The following SUPT3H variants were observed in gnomAD, a reference collection of about 807,000 sequenced individuals.
SUPT3H encodes SPT3 homolog, SAGA and STAGA complex component, also known as transcription initiation protein SPT3 homolog.
A neutral mutation model predicts 44.3 loss-of-function variants in SUPT3H; 44 were observed. The observed-to-expected ratio is 0.99, with a 90% CI of 0.78 to 1.28. The LOEUF is 1.28. SUPT3H is among the 50% of genes most tolerant of loss of function. SUPT3H has a pLI of 0.00. For synonymous variants in SUPT3H, 124 were observed against 125.6 expected (o/e 0.99, Z 0.09); for missense variants, 380 against 387.1 (o/e 0.98, Z 0.15).
At position 45,242,921 on chromosome 6, in the gene SUPT3H, G is replaced by A. The variant is rs145986846; in HGVS notation, c.101+122280C>T. On this transcript the variant is annotated intron_variant, in intron 2 of 10. Coordinates refer to ENST00000371459, the MANE Select transcript of SUPT3H (RefSeq NM_003599.4). ...TAAAAGAGCTATTATAAGGCTGGGC[G>A]TGGTGGCTCACGCCTGTAATCCCAA... 2.7e-3 allele frequency among the ~76,000 whole-genome samples: 405 copies of A among 152,248 alleles called. 4 individuals are homozygous for A. The highest frequency in any genetic ancestry group is 8.6e-3 in the African/African-American group (358 of 41,554).
Position 45,105,919 on chromosome 6 carries a change from T to TA in SUPT3H, c.186+2dup. ...AACCAAATCAAATTATATATGCTCT[T>TA]ACCAGATTAATTAACTGAGTGTGTA... On this transcript the variant is annotated splice_region_variant and intron_variant, in intron 3 of 10. Transcript: ENST00000371459. The TA allele has an allele frequency of 1.2e-6, 2 of 1,611,066 alleles. No individual in the cohort carries two copies. Among genetic ancestry groups the TA allele is most frequent in the Non-Finnish European group, 1.7e-6 (2 of 1,177,666 alleles).
At chr6:45,131,779 A>T (rs1260295893) in intron 2 of SUPT3H, among the ~76,000 whole-genome samples, 1 of 152,224 alleles carries the variant, frequency 6.6e-6, no homozygotes, top group African/African-American at 2.4e-5. Context: ...AGAGAAAAAC[A>T]GGTGAATTAT....
At chr6:45,257,189 C>G (rs2153655743) in intron 2 of SUPT3H, among the ~76,000 whole-genome samples, 1 of 152,246 alleles carries the variant, frequency 6.6e-6, no homozygotes, top group South Asian at 2.1e-4. Flanking sequence ...TGATTAATGA[C>G]TATAATGGCT....
intron 2 of SUPT3H, among the ~76,000 whole-genome samples, chr6:45,282,461 C>A (rs371985820): frequency 6.6e-6 from 1 of 151,964 alleles, no homozygotes; most frequent in African/African-American, 2.4e-5. Flanking sequence ...GTAGCCGATT[C>A]GATCAACTGG....
At chr6:45,019,321 G>T (rs574969284) in intron 4 of SUPT3H, among the ~76,000 whole-genome samples, 1 of 151,902 alleles carries the variant, frequency 6.6e-6, no homozygotes, top group South Asian at 2.1e-4. Flanking sequence ...TTAATTTTTT[G>T]AAGGGTTTTT....
intron 2 of SUPT3H, among the ~76,000 whole-genome samples, chr6:45,122,940 C>A (rs1801881632): frequency 6.6e-6 from 1 of 152,112 alleles, no homozygotes; most frequent in South Asian, 2.1e-4. Context: ...TGTTTGAGAA[C>A]CTGGGGTAAA....
chr6:45,184,802 A>T (rs962405341), intron 2 of SUPT3H, among the ~76,000 whole-genome samples: 2 of 139,496 alleles, frequency 1.4e-5, no homozygotes, highest in Non-Finnish European at 3.1e-5. Flanking sequence ...AAAAAAAAAA[A>T]ACTCCAAGGA....
intron 2 of SUPT3H, among the ~76,000 whole-genome samples, chr6:45,247,018 A>C (rs917657977): frequency 2.0e-5 from 3 of 152,236 alleles, no homozygotes; most frequent in African/African-American, 7.2e-5. Flanking sequence ...CAATAAAAGT[A>C]GAAACTTTAA....
intron 2 of SUPT3H, among the ~76,000 whole-genome samples, chr6:45,142,575 A>G (rs1210429205): frequency 6.6e-6 from 1 of 151,826 alleles, no homozygotes; most frequent in Admixed American, 6.6e-5. Flanking sequence ...CGTCTCTACT[A>G]AAAATACAAA....
In SUPT3H at chr6:45,269,449, C is replaced by T. The variant is rs552530963; in HGVS notation, c.101+95752G>A. 9.8e-5 allele frequency among the ~76,000 whole-genome samples: 15 copies of T among 152,334 alleles called. 1 individual carries two copies. The South Asian group carries it at 3.1e-3, about 32-fold the overall frequency. ...ATCAAAATTATTAGTACTGTTGTCTCACCATGACAACTACAATTTGAGAGT... is the reference window on the plus strand; with the variant it reads ...ATCAAAATTATTAGTACTGTTGTCTTACCATGACAACTACAATTTGAGAGT... On this transcript the variant is annotated intron_variant, in intron 2 of 10. Transcript: ENST00000371459.
At chr6:44,982,263 G>A (rs924328409) in intron 6 of SUPT3H, among the ~76,000 whole-genome samples, 3 of 151,826 alleles carry the variant, frequency 2.0e-5, no homozygotes, top group African/African-American at 4.8e-5. Context: ...TCGCTCTGTC[G>A]CCCAGGCTGG....
chr6:45,304,705 T>C (rs1265748287), intron 2 of SUPT3H, among the ~76,000 whole-genome samples: 4 of 151,662 alleles, frequency 2.6e-5, no homozygotes, highest in South Asian at 2.1e-4. Flanking sequence ...TAGAAAAGAA[T>C]GGCTTCAATG....
At chr6:44,892,616 A>T (rs1250419513) in intron 10 of SUPT3H, among the ~76,000 whole-genome samples, 1 of 152,220 alleles carries the variant, frequency 6.6e-6, no homozygotes, top group Non-Finnish European at 1.5e-5. Flanking sequence ...GATCTGAAAC[A>T]GTACATGCAG....
intron 2 of SUPT3H, among the ~76,000 whole-genome samples, chr6:45,161,164 T>A (rs1381755999): frequency 6.6e-6 from 1 of 152,182 alleles, no homozygotes; most frequent in Non-Finnish European, 1.5e-5. Context: ...CCATGCTTCC[T>A]GTACAGCCTG....
At chr6:45,179,948 G>C (rs1032594445) in intron 2 of SUPT3H, among the ~76,000 whole-genome samples, 1 of 152,160 alleles carries the variant, frequency 6.6e-6, no homozygotes, top group Non-Finnish European at 1.5e-5. Flanking sequence ...CAGATGACAT[G>C]ATTGTATATC....
At chr6:44,935,712 T>C (rs912159853) in intron 9 of SUPT3H, among the ~76,000 whole-genome samples, 1 of 152,232 alleles carries the variant, frequency 6.6e-6, no homozygotes, top group African/African-American at 2.4e-5. Context: ...GAAGCTGAAA[T>C]AGCATATGGA....
At chr6:45,092,092 T>C (rs950942106) in intron 3 of SUPT3H, among the ~76,000 whole-genome samples, 5 of 152,012 alleles carry the variant, frequency 3.3e-5, no homozygotes, top group African/African-American at 1.2e-4. Context: ...TTTGTGTTTT[T>C]AGCAATTATT....
chr6:45,335,374 T>C (rs1187789110), intron 2 of SUPT3H, among the ~76,000 whole-genome samples: 1 of 151,326 alleles, frequency 6.6e-6, no homozygotes, highest in East Asian at 1.9e-4. Context: ...TATTACATTT[T>C]ACAACATGTC....
intron 2 of SUPT3H, among the ~76,000 whole-genome samples, chr6:45,256,922 CAT>C (rs777092332): frequency 2.5e-4 from 38 of 152,272 alleles, no homozygotes; most frequent in Non-Finnish European, 5.0e-4. Flanking sequence ...TCTGTGCTGA[CAT>C]ATGTCTTCAG....
Sources: gnomAD v4.1 joint callset for allele counts (sites outside exome capture counted in the v4.1 genomes callset) on GRCh38, gnomAD v4.1.1 for gene constraint, MANE v1.5 for transcripts, NCBI Gene and HGNC (gene_info 2026-07-23, HGNC 2026-07-21) for gene names.